KMT2E: variants seen among roughly 807,000 people sequenced by gnomAD.
KMT2E encodes histone reader KMT2E.
A neutral mutation model predicts 184.6 loss-of-function variants in KMT2E; 30 were observed. The ratio of observed to expected loss-of-function variants is 0.16; its 90% CI spans 0.12 to 0.22. The LOEUF (loss-of-function observed/expected upper bound fraction) is 0.22, where lower values mean the gene tolerates loss of function less well. Among genes scored for constraint, KMT2E ranks in the 10% least tolerant of loss-of-function variants. The probability of loss-of-function intolerance (pLI) is 1.00; values close to 1 mark genes in which losing one functional copy is unlikely to be tolerated. For missense variants in KMT2E, 2,023 were observed against 2,237.4 expected (o/e 0.90, Z 1.93); for synonymous variants, 815 against 776.5 (o/e 1.05, Z -0.82).
At chr7:105,079,898 A>G (rs184101151) in intron 12 of KMT2E, among the ~76,000 whole-genome samples, 51 of 151,752 alleles carry the variant, frequency 3.4e-4, no homozygotes, top group African/African-American at 1.2e-3. Flanking sequence ...CAGAGGTGCA[A>G]TCATGGCTCA....
chr7:105,033,471 T>G (rs1323286962), intron 1 of KMT2E, among the ~76,000 whole-genome samples: 1 of 152,024 alleles, frequency 6.6e-6, no homozygotes, highest in Non-Finnish European at 1.5e-5. Flanking sequence ...TTTTTGTATT[T>G]TTGTTTGTTT....
chr7:105,054,452 C>G, intron 3 of KMT2E, among the ~76,000 whole-genome samples: 1 of 89,556 alleles, frequency 1.1e-5, no homozygotes, highest in Non-Finnish European at 2.3e-5. Context: ...GTTGCTCTGT[C>G]TGTCTGTCTA....
intron 13 of KMT2E, among the ~76,000 whole-genome samples, chr7:105,087,484 C>T (rs893540950): frequency 5.4e-5 from 8 of 149,152 alleles, no homozygotes; most frequent in Admixed American, 2.0e-4. Context: ...AGTGCAGTGG[C>T]GCGATCTCGG....
chr7:105,081,107 T>C (rs1270848454), intron 12 of KMT2E, among the ~76,000 whole-genome samples: 1 of 147,796 alleles, frequency 6.8e-6, no homozygotes, highest in Non-Finnish European at 1.5e-5. Flanking sequence ...TGAGGCTGGG[T>C]GCGGTGGCTC....
intron 10 of KMT2E, 32 bp from the exon 11 acceptor site, chr7:105,077,271 T>G (rs770304100): frequency 1.2e-6 from 2 of 1,603,074 alleles, no homozygotes; most frequent in Non-Finnish European, 1.7e-6. Context: ...ACAAGCAAGT[T>G]TATTTAATCT....
At chr7:105,104,183 A>G (rs534426818) in intron 17 of KMT2E, 1 of 152,318 alleles carries the variant, frequency 6.6e-6, no homozygotes, top group South Asian at 2.1e-4. Flanking sequence ...CTAACTAGGT[A>G]ACAATATGAA....
chr7:105,065,162 CTCTAT>C (rs1401897849), intron 5 of KMT2E, among the ~76,000 whole-genome samples: 1 of 152,144 alleles, frequency 6.6e-6, no homozygotes, highest in Non-Finnish European at 1.5e-5. Flanking sequence ...TCCTGGAAGG[CTCTAT>C]TCTAACTTTA....
chr7:105,067,072 A>T (rs1251694271), intron 6 of KMT2E, among the ~76,000 whole-genome samples: 55 of 149,340 alleles, frequency 3.7e-4, no homozygotes, highest in African/African-American at 1.3e-3. Context: ...TTTTTAAAAA[A>T]AAAAAAAAAA....
At chr7:105,072,871 G>A (rs1476171720) in intron 6 of KMT2E, among the ~76,000 whole-genome samples, 2 of 151,728 alleles carry the variant, frequency 1.3e-5, no homozygotes, top group African/African-American at 2.4e-5. Flanking sequence ...CCAAGATTGC[G>A]CCATTGCACT....
intron 1 of KMT2E, among the ~76,000 whole-genome samples, chr7:105,033,484 C>T (rs1340811407): frequency 6.6e-6 from 1 of 151,544 alleles, no homozygotes; most frequent in Non-Finnish European, 1.5e-5. Flanking sequence ...GTTTGTTTTG[C>T]TTTTTTTTGT....
chr7:105,088,446 A>C (rs897257328), intron 13 of KMT2E, among the ~76,000 whole-genome samples: 1 of 152,208 alleles, frequency 6.6e-6, no homozygotes, highest in East Asian at 1.9e-4. Flanking sequence ...GAATCTTTCT[A>C]GCAGTTTTAA....
intron 6 of KMT2E, among the ~76,000 whole-genome samples, chr7:105,067,066 TA>T (rs11457088): frequency 6.1e-5 from 7 of 115,442 alleles, no homozygotes; most frequent in Non-Finnish European, 1.0e-4. Flanking sequence ...CTTTTTTTTT[TA>T]AAAAAAAAAA....
chr7:105,112,540 G>A lies in KMT2E; in HGVS notation c.4784G>A (p.Ser1595Asn). 1.2e-6 allele frequency: 2 copies of A among 1,613,964 alleles called. No homozygotes were observed. Among genetic ancestry groups the A allele is most frequent in the Non-Finnish European group, 1.7e-6 (2 of 1,180,002 alleles). ...AATCAAGCACTTCCTGGCACCACAA[G>A]CCAGCAAACAGTTCCAGGACACCAC... ...GPNQALPGTT[S>N]QQTVPGHHVT... The change falls in exon 27 of 27, where the codon AGC becomes AAC. Residue 1595 changes from serine (S) to asparagine (N), a missense_variant. Transcript: ENST00000311117.
At chr7:105,083,298 G>A (rs1797832012) in intron 13 of KMT2E, among the ~76,000 whole-genome samples, 1 of 152,160 alleles carries the variant, frequency 6.6e-6, no homozygotes, top group Admixed American at 6.5e-5. Context: ...AGTACTGTGT[G>A]TAATGAGCCT....
intron 1 of KMT2E, among the ~76,000 whole-genome samples, chr7:105,031,813 T>C (rs1795431360): frequency 6.6e-6 from 1 of 151,678 alleles, no homozygotes; most frequent in Non-Finnish European, 1.5e-5. Context: ...CTCATGCCTG[T>C]AATCCCTGCA....
chr7:105,107,931 A>G lies in KMT2E; in HGVS notation c.3468+6A>G. On this transcript the variant is annotated splice_donor_region_variant and intron_variant, in intron 22 of 26. Coordinates refer to ENST00000311117, the MANE Select transcript of KMT2E (RefSeq NM_182931.3). Reference sequence around the variant, plus strand: ...ATCCACCACAAAAGAAAAAGGTTACAAATTTAACAATTTATAGTCCTTTTA... The same window carrying G: ...ATCCACCACAAAAGAAAAAGGTTACGAATTTAACAATTTATAGTCCTTTTA... The G allele has an allele frequency of 6.4e-7, 1 of 1,570,078 alleles. No homozygotes were observed. Among genetic ancestry groups the G allele is most frequent in the South Asian group, 1.2e-5 (1 of 83,856 alleles).
At position 105,071,452 on chromosome 7, in the gene KMT2E, C is replaced by T. The variant is rs1011165425; in HGVS notation, c.498-2167C>T. On this transcript the variant is annotated intron_variant, in intron 6 of 26. Coordinates refer to ENST00000311117, the MANE Select transcript of KMT2E (RefSeq NM_182931.3). ...TACGATCTCGGCTCACTGCAACCTC[C>T]GCCTCCTGGGTTCAAGCCATTGTCA... is the stretch of plus-strand genomic sequence containing the variant. 8.2e-4 allele frequency among the ~76,000 whole-genome samples: 122 copies of T among 149,356 alleles called. 1 individual carries two copies. Among genetic ancestry groups the T allele is most frequent in the African/African-American group, 2.8e-3 (114 of 40,754 alleles).
chr7:105,019,435 A>G (rs1016659454), intron 1 of KMT2E, among the ~76,000 whole-genome samples: 1 of 152,200 alleles, frequency 6.6e-6, no homozygotes, highest in Non-Finnish European at 1.5e-5. Flanking sequence ...TACCAAAACT[A>G]TTTAAGCTTT....
intron 3 of KMT2E, among the ~76,000 whole-genome samples, chr7:105,059,880 G>A (rs1005357718): frequency 6.8e-6 from 1 of 146,388 alleles, no homozygotes; most frequent in Non-Finnish European, 1.5e-5. Flanking sequence ...CAATCAGCAT[G>A]TATTAATTTT....
Sources: allele counts gnomAD v4.1 joint callset (sites outside exome capture counted in the v4.1 genomes callset), GRCh38; gene constraint gnomAD v4.1.1; transcripts MANE v1.5; gene names NCBI Gene and HGNC (gene_info 2026-07-23, HGNC 2026-07-21).